The following FIBCD1 variants were observed in gnomAD, a reference collection of about 807,000 sequenced individuals.
The protein encoded by FIBCD1 is fibrinogen C domain containing 1.
Under a neutral mutation model 45.1 loss-of-function variants are expected in FIBCD1, and 47 were observed. That is an observed-to-expected ratio of 1.04 (90% confidence interval 0.82 to 1.33). The LOEUF is 1.33. Ranked by LOEUF, FIBCD1 falls within the 40% of genes most tolerant of loss-of-function variation. FIBCD1 has a pLI of 0.00. For missense variants in FIBCD1, 653 were observed against 682.2 expected (o/e 0.96, Z 0.48); for synonymous variants, 313 against 308.1 (o/e 1.02, Z -0.17).
At chr9:130,914,230 T>G (rs1332363853) in intron 4 of FIBCD1, among the ~76,000 whole-genome samples, 2 of 152,002 alleles carry the variant, frequency 1.3e-5, no homozygotes, top group East Asian at 3.9e-4. Context: ...CCCCCAGCCC[T>G]CCCGAGGGGT....
intron 4 of FIBCD1, 47 bp from the exon 5 acceptor site, chr9:130,911,935 G>A: frequency 1.3e-6 from 2 of 1,524,626 alleles, no homozygotes; most frequent in Admixed American, 2.0e-5. Flanking sequence ...ACCATCCCAG[G>A]ACTCGCAGCC....
At chr9:130,927,076 A>C (rs1291210362) in intron 2 of FIBCD1, among the ~76,000 whole-genome samples, 1 of 151,958 alleles carries the variant, frequency 6.6e-6, no homozygotes, top group East Asian at 1.9e-4. Flanking sequence ...CTCTACAAAA[A>C]AATTTTAATC....
rs1379999283 is a variant in FIBCD1, at chr9:130,938,689, C to A, written c.-82G>T. ...GAGACGGGGTGGGCGCGGGCGCGGGCGCGGGGCGCGCTCTGTCCGCCGGGT... is the reference window on the plus strand; with the variant it reads ...GAGACGGGGTGGGCGCGGGCGCGGGAGCGGGGCGCGCTCTGTCCGCCGGGT... On this transcript the variant is annotated 5_prime_UTR_variant, in exon 1 of 7. Transcript: ENST00000372338. 4.4e-6 allele frequency: 4 copies of A among 918,868 alleles called. No individual in the cohort carries two copies. Among genetic ancestry groups the A allele is most frequent in the East Asian group, 8.6e-5 (2 of 23,162 alleles). 56.9% of individuals were successfully genotyped at this position (918,868 alleles called of 1,614,324 possible). A position where few individuals can be genotyped will look rare whatever the true frequency, so the allele number is the denominator to read the frequency against.
In FIBCD1 at chr9:130,929,558, C is replaced by T. The variant is rs950533367; in HGVS notation, c.552+9G>A. On this transcript the variant is annotated intron_variant, in intron 2 of 6. Coordinates refer to ENST00000372338, the MANE Select transcript of FIBCD1 (RefSeq NM_032843.5). ...CAGCAAGACCCCAAGATGCAGACCC[C>T]AGCCCTACCTGGATGAGGCGGCCCT... 2.0e-6 allele frequency: 3 copies of T among 1,500,450 alleles called. No individual in the cohort carries two copies. Among genetic ancestry groups the T allele is most frequent in the Non-Finnish European group, 8.9e-7 (1 of 1,127,778 alleles). The allele number at this position is 1,500,450 out of a possible 1,614,324, so 92.9% of individuals were successfully genotyped here.
intron 2 of FIBCD1, among the ~76,000 whole-genome samples, chr9:130,924,898 C>A (rs1832332540): frequency 6.6e-6 from 1 of 152,184 alleles, no homozygotes; most frequent in Admixed American, 6.5e-5. Flanking sequence ...ATGGGAGGTG[C>A]CCAGCACAGC....
intron 1 of FIBCD1, among the ~76,000 whole-genome samples, chr9:130,931,700 C>G (rs1056580276): frequency 1.3e-5 from 2 of 152,194 alleles, no homozygotes; most frequent in Admixed American, 1.3e-4. Context: ...GCATTACACA[C>G]AAGGGAAAAC....
intron 4 of FIBCD1, 58 bp from the exon 5 acceptor site, chr9:130,911,946 C>T: frequency 7.6e-6 from 11 of 1,452,254 alleles, no homozygotes; most frequent in Admixed American, 2.0e-5. Context: ...ACTCGCAGCC[C>T]ACCTGGGCCC....
chr9:130,912,170 C>A (rs1192544176), intron 4 of FIBCD1, among the ~76,000 whole-genome samples: 3 of 152,068 alleles, frequency 2.0e-5, no homozygotes, highest in African/African-American at 7.2e-5. Context: ...GGCATGGTGG[C>A]TCATGCCCGG....
chr9:130,907,710 C>T (rs997797585), intron 5 of FIBCD1, among the ~76,000 whole-genome samples: 3 of 152,024 alleles, frequency 2.0e-5, no homozygotes, highest in African/African-American at 7.2e-5. Flanking sequence ...CCAGCCTAGC[C>T]AATATGGTGA....
intron 1 of FIBCD1, 94 bp from the exon 2 acceptor site, chr9:130,930,140 T>C: frequency 7.1e-7 from 1 of 1,401,416 alleles, no homozygotes; most frequent in Non-Finnish European, 9.3e-7. Flanking sequence ...GAGGACCCCC[T>C]TCTTGGGGGG....
intron 4 of FIBCD1, among the ~76,000 whole-genome samples, chr9:130,916,900 C>G (rs1466245728): frequency 6.6e-6 from 1 of 152,180 alleles, no homozygotes; most frequent in Non-Finnish European, 1.5e-5. Context: ...GAGTTCGAGA[C>G]CAGTCTGGCT....
chr9:130,911,264 G>A (rs1448768203), intron 5 of FIBCD1, among the ~76,000 whole-genome samples: 1 of 152,136 alleles, frequency 6.6e-6, no homozygotes, highest in African/African-American at 2.4e-5. Context: ...AAAACTCCAG[G>A]CGCGCTACCT....
chr9:130,914,924 C>G (rs1179986250), intron 4 of FIBCD1, among the ~76,000 whole-genome samples: 1 of 152,240 alleles, frequency 6.6e-6, no homozygotes, highest in East Asian at 1.9e-4. Context: ...CAAACCCTTT[C>G]CCCGAGCCCA....
intron 4 of FIBCD1, among the ~76,000 whole-genome samples, chr9:130,912,679 C>T (rs1224632495): frequency 6.6e-6 from 1 of 150,800 alleles, no homozygotes; most frequent in East Asian, 1.9e-4. Context: ...TACACTCCAG[C>T]CTGGGTGATA....
At chr9:130,916,943 CA>C (rs2133090369) in intron 4 of FIBCD1, among the ~76,000 whole-genome samples, 1 of 152,204 alleles carries the variant, frequency 6.6e-6, no homozygotes, top group South Asian at 2.1e-4. Flanking sequence ...ACTAAAAATA[CA>C]AAAATTAGCT....
At position 130,904,287 on chromosome 9, in the gene FIBCD1, G is replaced by A. The variant is rs1831887585; in HGVS notation, c.1163C>T (p.Thr388Ile). 6.2e-7 allele frequency: 1 copy of A among 1,612,122 alleles called. No individual in the cohort carries two copies. Residue 388 changes from threonine (T) to isoleucine (I), a missense_variant, in exon 7 of 7, where the codon ACC (threonine) becomes ATC (isoleucine). Physicochemically the swap from Thr to Ile is moderately conservative, Grantham distance 89 (BLOSUM62 -1). Transcript: ENST00000372338. ...ATGGTCGCTGTCACGGTCCTTGGTGGTGAACCTCATGCCGCTGTGCTTCAG... is the reference window on the plus strand; with the variant it reads ...ATGGTCGCTGTCACGGTCCTTGGTGATGAACCTCATGCCGCTGTGCTTCAG... Reference protein sequence around the residue: ...SLLKHSGMRFTTKDRDSDHSE... With the variant: ...SLLKHSGMRFITKDRDSDHSE...
At chr9:130,921,073 G>A (rs565472812) in intron 4 of FIBCD1, among the ~76,000 whole-genome samples, 82 of 152,342 alleles carry the variant, frequency 5.4e-4, no homozygotes, top group South Asian at 2.1e-3. Flanking sequence ...GGGGGTGGGG[G>A]GCAGGGGTGT....
chr9:130,917,789 G>T (rs1158113984), intron 4 of FIBCD1, among the ~76,000 whole-genome samples: 1 of 152,188 alleles, frequency 6.6e-6, no homozygotes, highest in Non-Finnish European at 1.5e-5. Context: ...GCTCCCATTA[G>T]GCAGATGAGA....
At chr9:130,936,573 G>A (rs1832523956) in intron 1 of FIBCD1, among the ~76,000 whole-genome samples, 1 of 152,276 alleles carries the variant, frequency 6.6e-6, no homozygotes, top group Non-Finnish European at 1.5e-5. Flanking sequence ...GAGGAAGGCG[G>A]GGCCCGGCCT....
Sources: gnomAD v4.1 joint callset for allele counts (sites outside exome capture counted in the v4.1 genomes callset) on GRCh38, gnomAD v4.1.1 for gene constraint, MANE v1.5 for transcripts, NCBI Gene and HGNC (gene_info 2026-07-23, HGNC 2026-07-21) for gene names.